Variants in MIGA1 observed in about 807,000 individuals in gnomAD.
MIGA1 encodes family with sequence similarity 73, member A.
In MIGA1, 58 loss-of-function variants were observed where a neutral mutation model predicts 82.0. That is an observed-to-expected ratio of 0.71 (90% CI 0.57 to 0.88). The LOEUF is 0.88. MIGA1 is among the 40% of genes least tolerant of loss of function. MIGA1 has a pLI of 0.00. For missense variants in MIGA1, 751 were observed against 749.1 expected (o/e 1.00, Z -0.03); for synonymous variants, 249 against 253.6 (o/e 0.98, Z 0.17).
intron 7 of MIGA1, among the ~76,000 whole-genome samples, chr1:77,840,353 A>G (rs1356241979): frequency 1.3e-5 from 2 of 152,194 alleles, no homozygotes; most frequent in Admixed American, 1.3e-4. Flanking sequence ...TCTGGATGAC[A>G]TTGAATAGCT....
chr1:77,830,710 CTA>C (rs1684212031), intron 7 of MIGA1, among the ~76,000 whole-genome samples: 1 of 152,100 alleles, frequency 6.6e-6, no homozygotes, highest in Non-Finnish European at 1.5e-5. Context: ...GAATCAAAGA[CTA>C]TATTTCCCTG....
chr1:77,843,792 T>A (rs1331598706), intron 8 of MIGA1, among the ~76,000 whole-genome samples: 1 of 151,892 alleles, frequency 6.6e-6, no homozygotes, highest in Non-Finnish European at 1.5e-5. Context: ...ATTCAAAGAT[T>A]ATATATATAT....
At chr1:77,796,528 T>C (rs749147081) in intron 2 of MIGA1, among the ~76,000 whole-genome samples, 1 of 152,134 alleles carries the variant, frequency 6.6e-6, no homozygotes, top group African/African-American at 2.4e-5. Flanking sequence ...GCTCAACTTA[T>C]TCTCCTGCCT....
chr1:77,868,118 T>A (rs1198358818), intron 14 of MIGA1: 3 of 152,230 alleles, frequency 2.0e-5, no homozygotes, highest in Non-Finnish European at 4.4e-5. Context: ...ATCAGCAAGC[T>A]TAATTTAAAC....
chr1:77,836,452 G>A (rs1054206042), intron 7 of MIGA1, among the ~76,000 whole-genome samples: 2 of 152,158 alleles, frequency 1.3e-5, no homozygotes, highest in Non-Finnish European at 2.9e-5. Context: ...GTGCTTATGG[G>A]TAGCATAGGG....
chr1:77,787,240 G>A (rs1339447250), intron 2 of MIGA1, among the ~76,000 whole-genome samples: 1 of 152,120 alleles, frequency 6.6e-6, no homozygotes, highest in Non-Finnish European at 1.5e-5. Flanking sequence ...ATGAGATTTG[G>A]GTGGGGACAC....
At chr1:77,855,059 G>T (rs1366207850) in intron 8 of MIGA1, among the ~76,000 whole-genome samples, 1 of 152,116 alleles carries the variant, frequency 6.6e-6, no homozygotes, top group Non-Finnish European at 1.5e-5. Context: ...TCCTTCCTGA[G>T]TTGATTTTTG....
At chr1:77,848,394 A>G in intron 8 of MIGA1, 1 of 968,806 alleles carries the variant, frequency 1.0e-6, no homozygotes, top group South Asian at 1.5e-5. Context: ...AGAGCGTATG[A>G]AAGTAAGGAA....
At chr1:77,799,386 G>A (rs1411830313) in intron 2 of MIGA1, among the ~76,000 whole-genome samples, 1 of 152,160 alleles carries the variant, frequency 6.6e-6, no homozygotes, top group Non-Finnish European at 1.5e-5. Flanking sequence ...GTTTAAGATA[G>A]GCTAGTTTAA....
rs763066704 is a variant in MIGA1 at position 77,878,824 on chromosome 1, T to C, written c.*3760T>C. The C allele has an allele frequency of 1.6e-4, 61 of 383,290 alleles. No individual in the cohort carries two copies. Among genetic ancestry groups the C allele is most frequent in the Middle Eastern group, 6.6e-4 (1 of 1,520 alleles). The allele number at this position is 383,290 out of a possible 1,614,324, so 23.7% of individuals were successfully genotyped here. ...AAAAAAGAAGACAAGTTTTCCATAC[T>C]GTCACAGTAAGCTCCAAAGAACTTT... On this transcript the variant is annotated 3_prime_UTR_variant, in exon 16 of 16. Coordinates refer to ENST00000370791, the MANE Select transcript of MIGA1 (RefSeq NM_198549.4).
intron 8 of MIGA1, among the ~76,000 whole-genome samples, chr1:77,852,754 G>A (rs1197686816): frequency 1.3e-5 from 2 of 152,112 alleles, no homozygotes; most frequent in Non-Finnish European, 2.9e-5. Context: ...GCAGTGGTAC[G>A]ATCTTGGCTC....
At chr1:77,784,235 T>G (rs1171315967) in intron 2 of MIGA1, among the ~76,000 whole-genome samples, 2 of 151,960 alleles carry the variant, frequency 1.3e-5, no homozygotes, top group East Asian at 1.9e-4. Flanking sequence ...ATGTATTTAT[T>G]TATTTATTAT....
chr1:77,848,155 G>C, intron 8 of MIGA1: 2 of 1,406,958 alleles, frequency 1.4e-6, no homozygotes, highest in South Asian at 1.2e-5. Flanking sequence ...CAGAAAGAAA[G>C]GGATTCTCAT....
At chr1:77,844,323 G>T (rs1480484534) in intron 8 of MIGA1, among the ~76,000 whole-genome samples, 1 of 151,452 alleles carries the variant, frequency 6.6e-6, no homozygotes, top group East Asian at 1.9e-4. Context: ...TTAATGACAT[G>T]GGAACATGTT....
At chr1:77,826,116 T>C (rs1684020047) in intron 7 of MIGA1, among the ~76,000 whole-genome samples, 1 of 152,196 alleles carries the variant, frequency 6.6e-6, no homozygotes, top group Admixed American at 6.5e-5. Context: ...TTCATAGTTA[T>C]AGATAGGAGG....
In MIGA1 at chr1:77,815,737, A is replaced by G. The variant is rs545466778; in HGVS notation, c.895+506A>G. 2.9e-4 allele frequency among the ~76,000 whole-genome samples: 44 copies of G among 152,138 alleles called. No homozygotes were observed. In the East Asian group the frequency reaches 8.1e-3, roughly 28 times the overall value. ...AAAGATACTTTTTAAAAAGTTTTTT[A>G]TTTTTTATTTTTTTGAGACAGGATA... On this transcript the variant is annotated intron_variant, in intron 7 of 15. Coordinates refer to ENST00000370791, the MANE Select transcript of MIGA1 (RefSeq NM_198549.4).
chr1:77,862,782 A>C (rs1168414287), intron 12 of MIGA1, among the ~76,000 whole-genome samples: 2 of 151,978 alleles, frequency 1.3e-5, no homozygotes, highest in Admixed American at 6.6e-5. Context: ...CTCCACTAAA[A>C]ATACAAAAAT....
intron 2 of MIGA1, among the ~76,000 whole-genome samples, chr1:77,793,136 C>G (rs564536024): frequency 6.6e-6 from 1 of 151,968 alleles, no homozygotes; most frequent in African/African-American, 2.4e-5. Flanking sequence ...GACAGGGTCT[C>G]TCTGTTGCCC....
chr1:77,801,710 A>AT (rs1252702028), intron 3 of MIGA1, among the ~76,000 whole-genome samples: 1 of 152,222 alleles, frequency 6.6e-6, no homozygotes, highest in Non-Finnish European at 1.5e-5. Flanking sequence ...GTACCCAGAA[A>AT]TAACTACTGA....
Sources: allele counts gnomAD v4.1 joint callset (sites outside exome capture counted in the v4.1 genomes callset), GRCh38; gene constraint gnomAD v4.1.1; transcripts MANE v1.5; gene names NCBI Gene and HGNC (gene_info 2026-07-23, HGNC 2026-07-21).